RDH13: variants seen among roughly 807,000 people sequenced by gnomAD.
RDH13 encodes the protein retinol dehydrogenase 13, also known as retinol dehydrogenase 13 (all-trans and 9-cis).
Under a neutral mutation model 28.3 loss-of-function variants are expected in RDH13, and 35 were observed. The ratio of observed to expected loss-of-function variants is 1.24; its 90% confidence interval spans 0.95 to 1.64. The LOEUF is 1.64. Among genes scored for constraint, RDH13 ranks in the 40% most tolerant of loss-of-function variants. The pLI, the probability that RDH13 is intolerant of heterozygous loss-of-function variation, is 0.00. For missense variants in RDH13, 514 were observed against 446.3 expected, an observed-to-expected ratio of 1.15 and a Z score of -1.37; for synonymous variants, 229 against 198.5, an observed-to-expected ratio of 1.15 and a Z score of -1.29.
intron 2 of RDH13, 100 bp from the exon 3 acceptor site, chr19:55,056,908 C>A: frequency 1.9e-6 from 2 of 1,033,690 alleles, no homozygotes; most frequent in South Asian, 1.6e-5. Flanking sequence ...ACACATCCAC[C>A]AATGTTCACT....
chr19:55,052,003 A>G (rs1025175609), intron 3 of RDH13, among the ~76,000 whole-genome samples: 4 of 146,360 alleles, frequency 2.7e-5, no homozygotes, highest in Admixed American at 6.8e-5. Context: ...AAGTGCTGGG[A>G]TTGCAGGCGT....
At chr19:55,065,586 G>C (rs1223001530), upstream of RDH13, among the ~76,000 whole-genome samples, 2 of 151,560 alleles carry the variant, frequency 1.3e-5, no homozygotes, top group Non-Finnish European at 2.9e-5. Context: ...AATAATTTCA[G>C]CTTTGTGATC....
intron 1 of RDH13, among the ~76,000 whole-genome samples, chr19:55,061,380 T>C (rs1283766219): frequency 6.6e-6 from 1 of 151,876 alleles, no homozygotes; most frequent in Non-Finnish European, 1.5e-5. Context: ...CCGCCTGCCT[T>C]GGCCTCCCAA....
downstream of RDH13, chr19:55,040,535 C>G (rs1191102268): frequency 6.6e-6 from 1 of 152,232 alleles, no homozygotes; most frequent in African/African-American, 2.4e-5. Context: ...CTGCCATCAT[C>G]TTCCCTACAT....
intron 6 of RDH13, chr19:55,047,042 G>A: frequency 1.1e-6 from 1 of 920,028 alleles, no homozygotes; most frequent in Non-Finnish European, 1.4e-6. Context: ...GAAGAAACAG[G>A]CTCAGAGGGG....
chr19:55,064,329 G>C (rs2075902380), upstream of RDH13: 1 of 151,868 alleles, frequency 6.6e-6, no homozygotes, highest in South Asian at 2.1e-4. Context: ...GCCGAAGCAG[G>C]AGCATCACTT....
rs147731033 is a variant in RDH13, at chr19:55,054,235, C to T, written c.340+2418G>A. On this transcript the variant is annotated intron_variant, in intron 3 of 6. Coordinates refer to ENST00000415061, the MANE Select transcript of RDH13 (RefSeq NM_001145971.2). ...ATTCCTTGTTCATTTCCTGAGTACC[C>T]GTTTACTGAGCGGGGCACATTGACT... 6.6e-5 allele frequency among the ~76,000 whole-genome samples: 10 copies of T among 152,302 alleles called. No homozygotes were observed. In the East Asian group the frequency reaches 7.7e-4, roughly 12 times the overall value.
At chr19:55,045,508 A>C (rs1220673186) in intron 6 of RDH13, among the ~76,000 whole-genome samples, 199 bp from the exon 7 acceptor site, 1 of 152,082 alleles carries the variant, frequency 6.6e-6, no homozygotes, top group African/African-American at 2.4e-5. Flanking sequence ...ATCAGACCAA[A>C]AGCTGCCTCC....
At chr19:55,058,743 C>T (rs914331545) in intron 2 of RDH13, among the ~76,000 whole-genome samples, 1 of 152,244 alleles carries the variant, frequency 6.6e-6, no homozygotes, top group African/African-American at 2.4e-5. Context: ...TGCCGTGGCG[C>T]CATCTCTGCT....
chr19:55,066,227 G>A (rs768292871), upstream of RDH13, among the ~76,000 whole-genome samples: 5 of 152,142 alleles, frequency 3.3e-5, no homozygotes, highest in Admixed American at 1.3e-4. Context: ...GGCTGTCCAC[G>A]CCTTTACCAT....
downstream of RDH13, chr19:55,042,972 T>A (rs142196573): frequency 1.3e-5 from 2 of 152,304 alleles, no homozygotes; most frequent in African/African-American, 2.4e-5. Flanking sequence ...TTCTGCCCTA[T>A]CCTACTGCTA....
In RDH13 at chr19:55,062,923, TG is replaced by T. The variant is rs1161712123; in HGVS notation, c.65+44del. The T allele has an allele frequency of 7.9e-6, 11 of 1,394,404 alleles. No homozygotes were observed. The Admixed American group carries it at 9.9e-5, about 13-fold the overall frequency. 86.4% of individuals were successfully genotyped at this position (1,394,404 alleles called of 1,614,324 possible). On this transcript the variant is annotated intron_variant, in intron 1 of 6. Transcript: ENST00000415061. ...TCCGCCGCCTTCCCGGCCCCTGCGC[TG>T]GGGGCCCGCCTTGACCGCGCACGCG...
rs1236238952 is a variant in RDH13, at chr19:55,044,417, C to G, written c.*657G>C. On this transcript the variant is annotated 3_prime_UTR_variant, in exon 7 of 7. Transcript: ENST00000415061. ...AGGAAGGTGGGAGTCCCAGGCAATC[C>G]CAGGTCCTGTAGCAGCAGCTGGTGG... 1.3e-5 allele frequency: 2 copies of G among 151,984 alleles called. No individual in the cohort carries two copies. The highest frequency in any genetic ancestry group is 4.8e-5 in the African/African-American group (2 of 41,376). 9.4% of individuals were successfully genotyped at this position (151,984 alleles called of 1,614,324 possible).
At chr19:55,043,980 G>GCA (rs2075113177), downstream of RDH13, 1 of 150,702 alleles carries the variant, frequency 6.6e-6, no homozygotes, top group Non-Finnish European at 1.5e-5. Context: ...GCAGTGGCAT[G>GCA]ATCTCGGCTC....
At chr19:55,045,633 GGCACC>G (rs1555815014) in intron 6 of RDH13, among the ~76,000 whole-genome samples, 1 of 152,144 alleles carries the variant, frequency 6.6e-6, no homozygotes, top group Non-Finnish European at 1.5e-5. Flanking sequence ...AAATGCACCT[GGCACC>G]AGCCTCAGGT....
At chr19:55,062,742 G>A (rs747451317) in intron 1 of RDH13, among the ~76,000 whole-genome samples, 1 of 152,256 alleles carries the variant, frequency 6.6e-6, no homozygotes, top group South Asian at 2.1e-4. Flanking sequence ...AAGTCTGGAA[G>A]GAAAGCAACA....
intron 3 of RDH13, among the ~76,000 whole-genome samples, chr19:55,051,345 C>T (rs1284693434): frequency 1.3e-5 from 2 of 152,236 alleles, no homozygotes; most frequent in Non-Finnish European, 2.9e-5. Context: ...ACGGGTAAGG[C>T]CCAAAGGCGG....
At position 55,048,559 on chromosome 19, in the gene RDH13, A is replaced by AT; in HGVS notation, c.446-19_446-18insA. The AT allele has an allele frequency of 1.1e-5, 17 of 1,613,466 alleles. No homozygotes were observed. Among genetic ancestry groups the AT allele is most frequent in the Non-Finnish European group, 1.4e-5 (16 of 1,179,426 alleles). ...AAAGTGACCTGGATTAAGGATGATGAAAAGGTCACTTTTGACTCACACCTA... is the reference window on the plus strand; with the variant it reads ...AAAGTGACCTGGATTAAGGATGATGATAAAGGTCACTTTTGACTCACACCTA... On this transcript the variant is annotated intron_variant, in intron 4 of 6. Transcript: ENST00000415061.
downstream of RDH13, among the ~76,000 whole-genome samples, chr19:55,043,616 T>C (rs900121104): frequency 6.6e-6 from 1 of 151,698 alleles, no homozygotes; most frequent in African/African-American, 2.4e-5. Context: ...TGCAGTGAGC[T>C]GAGATCATGC....
Sources: gnomAD v4.1 joint callset for allele counts (sites outside exome capture counted in the v4.1 genomes callset) on GRCh38, gnomAD v4.1.1 for gene constraint, MANE v1.5 for transcripts, NCBI Gene and HGNC (gene_info 2026-07-23, HGNC 2026-07-21) for gene names.